The following PAN3 variants were observed in gnomAD, a reference collection of about 807,000 sequenced individuals.
PAN3 encodes the protein poly(A) specific ribonuclease subunit PAN3.
In PAN3, 19 loss-of-function variants were observed where a neutral mutation model predicts 96.2. The ratio of observed to expected loss-of-function variants is 0.20; its 90% CI spans 0.14 to 0.29. PAN3 has a LOEUF of 0.29. PAN3 is among the 10% of genes least tolerant of loss of function. The probability of loss-of-function intolerance (pLI) is 1.00; values close to 1 mark genes in which losing one functional copy is unlikely to be tolerated. For missense variants in PAN3, 882 were observed against 1,108.1 expected (o/e 0.80, Z 2.90); for synonymous variants, 433 against 406.6 (o/e 1.06, Z -0.78).
Position 28,224,269 on chromosome 13 carries a change from G to A in PAN3, c.1000+3891G>A, listed in dbSNP as rs150209112. Among the ~76,000 whole-genome samples, 54 of 152,262 alleles carry A rather than the reference G, an allele frequency of 3.5e-4. No homozygotes were observed. The East Asian group carries it at 8.7e-3, about 24-fold the overall frequency. The stretch of plus-strand genomic sequence containing the variant: ...AGTAGACATAGTTAACTAAGTCTTC[G>A]TGTACTTTAGGTTTAATTACCTCAG... On this transcript the variant is annotated intron_variant, in intron 6 of 18. Transcript: ENST00000380958.
chr13:28,143,940 A>T (rs1365055231), intron 1 of PAN3, among the ~76,000 whole-genome samples: 1 of 152,192 alleles, frequency 6.6e-6, no homozygotes, highest in Non-Finnish European at 1.5e-5. Context: ...ATACTAAGTG[A>T]CAGAGAAGTG....
chr13:28,293,145 G>C lies in PAN3; in HGVS notation c.*623G>C, dbSNP rs1237902770. 2.6e-5 allele frequency: 4 copies of C among 152,058 alleles called. No homozygotes were observed. The highest frequency in any genetic ancestry group is 7.2e-5 in the African/African-American group (3 of 41,390). 9.4% of individuals were successfully genotyped at this position (152,058 alleles called of 1,614,324 possible). A position where few individuals can be genotyped will look rare whatever the true frequency, so the allele number is the denominator to read the frequency against. ...CCAAGAAAATACCAGTGAATTGTTGGATATGAATTCCCTGTTAGTTGATTT... is the reference window on the plus strand; with the variant it reads ...CCAAGAAAATACCAGTGAATTGTTGCATATGAATTCCCTGTTAGTTGATTT... On this transcript the variant is annotated 3_prime_UTR_variant, in exon 19 of 19. Transcript: ENST00000380958.
chr13:28,187,113 G>A (rs1045170452), intron 4 of PAN3, among the ~76,000 whole-genome samples: 6 of 151,730 alleles, frequency 4.0e-5, no homozygotes, highest in African/African-American at 1.5e-4. Context: ...GATAACTCGA[G>A]TCCAGGAGTT....
At chr13:28,232,487 A>AG (rs1406384990) in intron 6 of PAN3, 1 of 152,160 alleles carries the variant, frequency 6.6e-6, no homozygotes, top group African/African-American at 2.4e-5. Flanking sequence ...AAAAAAAAAA[A>AG]ATCTTTGAAA....
intron 17 of PAN3, among the ~76,000 whole-genome samples, chr13:28,282,136 T>C (rs1887524370): frequency 6.6e-6 from 1 of 152,222 alleles, no homozygotes; most frequent in Non-Finnish European, 1.5e-5. Context: ...CCTTTTACAC[T>C]ATTTGTCACT....
chr13:28,260,463 A>G lies in PAN3; in HGVS notation c.1265A>G (p.His422Arg). The G allele has an allele frequency of 6.2e-7, 1 of 1,612,212 alleles. No homozygotes were observed. Among genetic ancestry groups the G allele is most frequent in the Non-Finnish European group, 8.5e-7 (1 of 1,178,380 alleles). The change falls in exon 8 of 19, where the codon CAT (histidine) becomes CGT (arginine). Residue 422 changes from histidine to arginine, a missense_variant. By Grantham distance (29) the His-to-Arg change is conservative. Around this residue, in one of 3 missense-constraint regions of PAN3, gnomAD observed 364 missense variants for 513.6 expected, o/e 0.71. Transcript: ENST00000380958. The part of the protein sequence containing the change: ...PLTGMVFPNY[H>R]IYPPTAPHVA... ...CCTTTTTAGGTGTTTCCAAACTATCATATTTATCCTCCAACTGCACCTCAC... is the reference window on the plus strand; with the variant it reads ...CCTTTTTAGGTGTTTCCAAACTATCGTATTTATCCTCCAACTGCACCTCAC...
At chr13:28,166,016 A>G (rs993842808) in intron 1 of PAN3, among the ~76,000 whole-genome samples, 3 of 152,184 alleles carry the variant, frequency 2.0e-5, no homozygotes, top group Non-Finnish European at 4.4e-5. Flanking sequence ...AGACCATTGC[A>G]TTCTGCCCCG....
At chr13:28,153,103 G>A (rs759969758) in intron 1 of PAN3, among the ~76,000 whole-genome samples, 1 of 152,014 alleles carries the variant, frequency 6.6e-6, no homozygotes, top group Non-Finnish European at 1.5e-5. Flanking sequence ...TGAAATTCCC[G>A]TTAGTAAGGG....
intron 1 of PAN3, among the ~76,000 whole-genome samples, chr13:28,170,504 A>G (rs1386432187): frequency 6.6e-6 from 1 of 152,232 alleles, no homozygotes; most frequent in Non-Finnish European, 1.5e-5. Context: ...CTTGTACAAA[A>G]TGTGAAAAGA....
At chr13:28,289,835 T>A (rs1437043891) in intron 18 of PAN3, among the ~76,000 whole-genome samples, 1 of 152,116 alleles carries the variant, frequency 6.6e-6, no homozygotes, top group Non-Finnish European at 1.5e-5. Context: ...TGAGCCGAGA[T>A]TGGGCCACTG....
chr13:28,141,514 C>T (rs1869835973), intron 1 of PAN3, among the ~76,000 whole-genome samples: 1 of 117,380 alleles, frequency 8.5e-6, no homozygotes. Context: ...GTTTACGAGG[C>T]TGGAGTGCAA....
In PAN3 at chr13:28,223,143, C is replaced by G. The variant is rs147639038; in HGVS notation, c.1000+2765C>G. 3.2e-4 allele frequency among the ~76,000 whole-genome samples: 49 copies of G among 152,182 alleles called. 1 individual carries two copies. Among genetic ancestry groups the G allele is most frequent in the African/African-American group, 9.9e-4 (41 of 41,528 alleles). On this transcript the variant is annotated intron_variant, in intron 6 of 18. Coordinates refer to ENST00000380958, the MANE Select transcript of PAN3 (RefSeq NM_175854.8). Reference sequence around the variant, plus strand: ...GCTTTTTAAAAATTTGTTTTGATCACTTAAGAAAAAATAAGTCATGTTTTT... The same window carrying G: ...GCTTTTTAAAAATTTGTTTTGATCAGTTAAGAAAAAATAAGTCATGTTTTT...
chr13:28,292,340 T>A (rs756200740), intron 18 of PAN3, 42 bp from the exon 19 acceptor site: 1 of 1,501,290 alleles, frequency 6.7e-7, no homozygotes, highest in Admixed American at 2.2e-5. Flanking sequence ...AATTCTTTTC[T>A]GCATGTTATG....
rs1887137523 is a variant in PAN3 at position 28,277,231 on chromosome 13, T to C, written c.2050-6T>C. ...ATTAAAAGTTATATTTATTCTTTCA[T>C]GTCAGCAAGCAGATCTGATATCATT... is the stretch of plus-strand genomic sequence containing the variant. On this transcript the variant is annotated splice_polypyrimidine_tract_variant and splice_region_variant and intron_variant, in intron 14 of 18. Transcript: ENST00000380958. 4 of 1,601,264 alleles carry C rather than the reference T, an allele frequency of 2.5e-6. No homozygotes were observed. The East Asian group carries it at 6.7e-5, about 27-fold the overall frequency.
intron 18 of PAN3, among the ~76,000 whole-genome samples, chr13:28,289,562 C>A (rs1357317368): frequency 6.6e-6 from 1 of 152,186 alleles, no homozygotes; most frequent in Non-Finnish European, 1.5e-5. Flanking sequence ...TGAGCCACCA[C>A]GCCCAGCAGC....
At chr13:28,148,720 C>T (rs1255449866) in intron 1 of PAN3, among the ~76,000 whole-genome samples, 3 of 152,060 alleles carry the variant, frequency 2.0e-5, no homozygotes, top group Non-Finnish European at 4.4e-5. Flanking sequence ...CACATTAACA[C>T]ACATATATAC....
rs1341745416 is a variant in PAN3, at chr13:28,266,988, T to C, written c.1574-107T>C. On this transcript the variant is annotated intron_variant, in intron 10 of 18. Transcript: ENST00000380958. ...GAATTAAAAATTTTTATTTGGAAAT[T>C]AGTACCTCATGAGCAATGTATAAAT... The C allele has an allele frequency of 6.2e-6, 8 of 1,283,326 alleles. No homozygotes were observed. The Admixed American group carries it at 2.0e-4, about 33-fold the overall frequency. The allele number at this position is 1,283,326 out of a possible 1,614,324, so 79.5% of individuals were successfully genotyped here. A position where few individuals can be genotyped will look rare whatever the true frequency, so the allele number is the denominator to read the frequency against.
intron 8 of PAN3, 118 bp downstream of exon 8, chr13:28,260,669 A>C: frequency 2.5e-6 from 2 of 796,046 alleles, no homozygotes; most frequent in South Asian, 4.0e-5. Flanking sequence ...CTAGTAAAGC[A>C]CATCGAATTT....
chr13:28,234,614 C>T (rs1228474356), intron 6 of PAN3, among the ~76,000 whole-genome samples: 2 of 152,174 alleles, frequency 1.3e-5, no homozygotes, highest in Non-Finnish European at 2.9e-5. Context: ...GTCTTCATAC[C>T]TCAATTCATT....
Sources: allele counts gnomAD v4.1 joint callset (sites outside exome capture counted in the v4.1 genomes callset), GRCh38; gene constraint gnomAD v4.1.1; regional missense constraint gnomAD v4.1.1; transcripts MANE v1.5; gene names NCBI Gene and HGNC (gene_info 2026-07-23, HGNC 2026-07-21).